The following CSMD1 variants were observed in gnomAD, a reference collection of about 807,000 sequenced individuals.
CSMD1 encodes the protein CUB and sushi domain-containing protein 1.
In CSMD1, 213 loss-of-function variants were observed where a neutral mutation model predicts 417.5. The observed-to-expected ratio is 0.51, with a 90% CI of 0.46 to 0.57. CSMD1 has a LOEUF of 0.57. Among genes scored for constraint, CSMD1 ranks in the 20% least tolerant of loss-of-function variants. The pLI is 0.00. For missense variants in CSMD1, 6,923 were observed against 4,529.7 expected, an observed-to-expected ratio of 1.53 and a Z score of -15.17; for synonymous variants, 2,862 against 1,736.8, an observed-to-expected ratio of 1.65 and a Z score of -16.11.
intron 1 of CSMD1, among the ~76,000 whole-genome samples, chr8:4,830,356 G>A (rs540654528): frequency 1.3e-5 from 2 of 152,262 alleles, no homozygotes; most frequent in Admixed American, 6.5e-5. Context: ...ACACATTAGA[G>A]ATAATTGATG....
intron 5 of CSMD1, among the ~76,000 whole-genome samples, chr8:3,920,169 G>T (rs1006099760): frequency 6.6e-6 from 1 of 152,028 alleles, no homozygotes; most frequent in Non-Finnish European, 1.5e-5. Context: ...GAGAAGCTGG[G>T]ACTACAGGTG....
chr8:2,955,311 T>C (rs1259353264), intron 64 of CSMD1, among the ~76,000 whole-genome samples: 1 of 152,220 alleles, frequency 6.6e-6, no homozygotes, highest in Non-Finnish European at 1.5e-5. Context: ...ACCAAATAGC[T>C]TTTCTCTTTT....
intron 5 of CSMD1, among the ~76,000 whole-genome samples, chr8:3,946,677 C>G (rs1374139595): frequency 6.6e-6 from 1 of 152,110 alleles, no homozygotes; most frequent in Non-Finnish European, 1.5e-5. Context: ...TGCATCTTCT[C>G]ATTCATGGTC....
rs547609002 is a variant in CSMD1, at chr8:4,601,267, A to C, written c.302+36075T>G. ...CACCGCACCTGGCCAGATTTTTTTTAAAAAGCATGAGAATAAGACAGGGAG... is the reference window on the plus strand; with the variant it reads ...CACCGCACCTGGCCAGATTTTTTTTCAAAAGCATGAGAATAAGACAGGGAG... On this transcript the variant is annotated intron_variant, in intron 2 of 69. Transcript: ENST00000635120. Among the ~76,000 whole-genome samples, 7 of 152,266 alleles carry C rather than the reference A, an allele frequency of 4.6e-5. No homozygotes were observed. The East Asian group carries it at 1.4e-3, about 30-fold the overall frequency.
Position 3,009,759 on chromosome 8 carries a change from G to C in CSMD1, c.8029+8718C>G, listed in dbSNP as rs193267391. ...GTGTGTGGAATTTGTCCAACATGGA[G>C]GTATTGGGCTTGCAGAGCATACAAC... On this transcript the variant is annotated intron_variant, in intron 52 of 69. Coordinates refer to ENST00000635120, the MANE Select transcript of CSMD1 (RefSeq NM_033225.6). Among the ~76,000 whole-genome samples, 530 of 152,240 alleles carry C rather than the reference G, an allele frequency of 3.5e-3. 3 individuals carry two copies. The highest frequency in any genetic ancestry group is 0.012 in the African/African-American group (487 of 41,558).
At position 4,135,371 on chromosome 8, in the gene CSMD1, A is replaced by T. The variant is rs1007387000; in HGVS notation, c.416-103272T>A. ...GAAGGGAAAGGAGGGAAGGAAGGGG[A>T]AAGTGGGAAAGAGGGGGAAGGAAGG... On this transcript the variant is annotated intron_variant, in intron 3 of 69. Coordinates refer to ENST00000635120, the MANE Select transcript of CSMD1 (RefSeq NM_033225.6). Among the ~76,000 whole-genome samples the T allele has an allele frequency of 1.1e-4, 5 of 44,312 alleles. No homozygotes were observed. In the East Asian group the frequency reaches 3.6e-3, roughly 32 times the overall value. 29.1% of individuals were successfully genotyped at this position (44,312 alleles called of 152,430 possible).
intron 1 of CSMD1, among the ~76,000 whole-genome samples, chr8:4,794,528 G>T (rs1408272574): frequency 6.6e-6 from 1 of 152,006 alleles, no homozygotes; most frequent in African/African-American, 2.4e-5. Context: ...CTCCATCTCT[G>T]CCTGACTCTC....
intron 1 of CSMD1, among the ~76,000 whole-genome samples, chr8:4,970,740 C>T (rs891540508): frequency 7.2e-5 from 11 of 152,042 alleles, no homozygotes; most frequent in Admixed American, 3.3e-4. Flanking sequence ...AGTGTGCCTG[C>T]CGTGGTTCTT....
chr8:3,010,846 C>T lies in CSMD1; in HGVS notation c.8029+7631G>A, dbSNP rs186205087. On this transcript the variant is annotated intron_variant, in intron 52 of 69. Coordinates refer to ENST00000635120, the MANE Select transcript of CSMD1 (RefSeq NM_033225.6). ...GCAACCTCCACCTCCCGGGTTCACG[C>T]GATTCTCCTGCCTCAGCTTCCCAAG... Among the ~76,000 whole-genome samples the T allele has an allele frequency of 1.4e-4, 21 of 151,694 alleles. No individual in the cohort carries two copies. In the East Asian group the frequency reaches 3.3e-3, roughly 24 times the overall value.
At chr8:3,181,600 G>A (rs1455251206) in intron 36 of CSMD1, among the ~76,000 whole-genome samples, 1 of 152,068 alleles carries the variant, frequency 6.6e-6, no homozygotes, top group Non-Finnish European at 1.5e-5. Flanking sequence ...GGGAGCAGTC[G>A]GACCCTGTGG....
At chr8:4,653,904 A>C (rs1804064408) in intron 1 of CSMD1, among the ~76,000 whole-genome samples, 1 of 151,808 alleles carries the variant, frequency 6.6e-6, no homozygotes, top group Non-Finnish European at 1.5e-5. Context: ...CAGTAGTCTC[A>C]GTAGTCATTT....
chr8:4,936,185 AG>A (rs1168958533), intron 1 of CSMD1, among the ~76,000 whole-genome samples: 5 of 152,210 alleles, frequency 3.3e-5, no homozygotes, highest in Admixed American at 2.6e-4. Context: ...TTAAGTTGAG[AG>A]GCAGAAATTA....
At chr8:4,190,584 C>A (rs1254483173) in intron 3 of CSMD1, among the ~76,000 whole-genome samples, 2 of 150,786 alleles carry the variant, frequency 1.3e-5, no homozygotes, top group Admixed American at 6.6e-5. Flanking sequence ...TGATCTATTC[C>A]CATGTTTATA....
chr8:4,422,985 T>A (rs568029189), intron 2 of CSMD1, among the ~76,000 whole-genome samples: 1 of 152,074 alleles, frequency 6.6e-6, no homozygotes, highest in Non-Finnish European at 1.5e-5. Context: ...TCATTGAACA[T>A]GAGAAAAGTT....
intron 2 of CSMD1, among the ~76,000 whole-genome samples, chr8:4,435,701 C>CA (rs1798110883): frequency 6.6e-6 from 1 of 152,106 alleles, no homozygotes; most frequent in African/African-American, 2.4e-5. Flanking sequence ...GTGGAGGTGC[C>CA]TCTGTGTGGG....
intron 2 of CSMD1, among the ~76,000 whole-genome samples, chr8:4,503,259 G>A (rs990072833): frequency 6.6e-6 from 1 of 152,044 alleles, no homozygotes; most frequent in Non-Finnish European, 1.5e-5. Flanking sequence ...ACTTTGCCAT[G>A]GCAGCCTGCT....
At chr8:3,648,056 G>C (rs570070368) in intron 7 of CSMD1, among the ~76,000 whole-genome samples, 1 of 152,340 alleles carries the variant, frequency 6.6e-6, no homozygotes, top group East Asian at 1.9e-4. Context: ...TGCATGGTTG[G>C]AGATGGAGGA....
chr8:3,323,589 T>TA (rs1347421120), intron 23 of CSMD1, among the ~76,000 whole-genome samples: 4 of 152,182 alleles, frequency 2.6e-5, no homozygotes, highest in African/African-American at 7.2e-5. Context: ...TTTGATTTTT[T>TA]AAAAAAATTT....
In CSMD1 at chr8:4,291,030, T is replaced by C. The variant is rs78045772; in HGVS notation, c.415+128923A>G. Reference sequence around the variant, plus strand: ...GTAATGATGTCAAAATAAGATCTTCTTTGTACCCTAGTGTAAAATATTATG... The same window carrying C: ...GTAATGATGTCAAAATAAGATCTTCCTTGTACCCTAGTGTAAAATATTATG... On this transcript the variant is annotated intron_variant, in intron 3 of 69. Coordinates refer to ENST00000635120, the MANE Select transcript of CSMD1 (RefSeq NM_033225.6). Among the ~76,000 whole-genome samples, 1,427 of 152,242 alleles carry C rather than the reference T, an allele frequency of 9.4e-3. 20 individuals are homozygous for C. The highest frequency in any genetic ancestry group is 0.033 in the African/African-American group (1,383 of 41,552).
Sources: allele counts gnomAD v4.1 joint callset (sites outside exome capture counted in the v4.1 genomes callset), GRCh38; gene constraint gnomAD v4.1.1; transcripts MANE v1.5; gene names NCBI Gene and HGNC (gene_info 2026-07-23, HGNC 2026-07-21).